The following RNF182 variants were observed in gnomAD, a reference collection of about 807,000 sequenced individuals.
RNF182 encodes ring finger protein 182.
Under a neutral mutation model 14.4 loss-of-function variants are expected in RNF182, and 15 were observed. The observed-to-expected ratio is 1.04, with a 90% confidence interval of 0.70 to 1.60. The LOEUF (loss-of-function observed/expected upper bound fraction) is 1.60. RNF182 is among the 40% of genes most tolerant of loss of function. The pLI is 0.00. For synonymous variants in RNF182, 128 were observed against 122.9 expected (o/e 1.04, Z -0.27); for missense variants, 268 against 294.8 (o/e 0.91, Z 0.67).
At position 13,979,563 on chromosome 6, in the gene RNF182, AATAC is replaced by A. The variant is rs1760439214; in HGVS notation, c.*1703_*1706del. The A allele has an allele frequency of 6.0e-6, 1 of 166,990 alleles. No homozygotes were observed. The highest frequency in any genetic ancestry group is 2.4e-5 in the African/African-American group (1 of 41,460). 10.3% of individuals were successfully genotyped at this position (166,990 alleles called of 1,614,324 possible). A position where few individuals can be genotyped will look rare whatever the true frequency, so the allele number is the denominator to read the frequency against. On this transcript the variant is annotated 3_prime_UTR_variant, in exon 3 of 3. Transcript: ENST00000488300. ...GAATTTAAGCCCCAAGATACAGCTA[AATAC>A]ATTTATGATTTCATAAAATCTAGTT... is the stretch of plus-strand genomic sequence containing the variant.
At chr6:13,973,830 A>G (rs1760256557) in intron 1 of RNF182, among the ~76,000 whole-genome samples, 1 of 152,216 alleles carries the variant, frequency 6.6e-6, no homozygotes, top group Non-Finnish European at 1.5e-5. Flanking sequence ...AGTTTTCATC[A>G]TAGCTTTACC....
At chr6:13,931,107 C>A (rs935753053) in intron 1 of RNF182, among the ~76,000 whole-genome samples, 6 of 152,148 alleles carry the variant, frequency 3.9e-5, no homozygotes, top group Non-Finnish European at 8.8e-5. Context: ...AAGAAAAAGA[C>A]ATCGTTGTTC....
intron 1 of RNF182, among the ~76,000 whole-genome samples, chr6:13,937,964 A>T (rs1175621534): frequency 6.7e-6 from 1 of 150,350 alleles, no homozygotes; most frequent in African/African-American, 2.4e-5. Context: ...TGCCAGTTCA[A>T]ATATTTTTGT....
At position 13,974,210 on chromosome 6, in the gene RNF182, G is replaced by A. The variant is rs1175861222; in HGVS notation, c.-366G>A. The A allele has an allele frequency of 6.6e-6, 1 of 151,934 alleles. No homozygotes were observed. Among genetic ancestry groups the A allele is most frequent in the East Asian group, 1.9e-4 (1 of 5,184 alleles). The allele number at this position is 151,934 out of a possible 1,614,324, so 9.4% of individuals were successfully genotyped here. A position where few individuals can be genotyped will look rare whatever the true frequency, so the allele number is the denominator to read the frequency against. On this transcript the variant is annotated splice_region_variant and 5_prime_UTR_variant, in exon 2 of 3. Transcript: ENST00000488300. ...ACCATGCTCTTTTCTGCCATTCCAG[G>A]AAGAAATACTTGTGTTGGCTGCATT...
intron 1 of RNF182, among the ~76,000 whole-genome samples, chr6:13,937,455 A>G (rs1470772339): frequency 1.3e-5 from 2 of 152,200 alleles, no homozygotes; most frequent in Non-Finnish European, 2.9e-5. Context: ...AGCTTTCACC[A>G]ACTATTTGGG....
chr6:13,939,879 G>A (rs1404075251), intron 1 of RNF182, among the ~76,000 whole-genome samples: 1 of 152,172 alleles, frequency 6.6e-6, no homozygotes, highest in African/African-American at 2.4e-5. Flanking sequence ...TGATTCTAGG[G>A]ATTTTGCTGC....
chr6:13,948,823 C>T (rs1255477736), intron 1 of RNF182, among the ~76,000 whole-genome samples: 1 of 152,090 alleles, frequency 6.6e-6, no homozygotes, highest in Non-Finnish European at 1.5e-5. Flanking sequence ...GAAGAGTTAG[C>T]TTTCCAAATA....
intron 1 of RNF182, among the ~76,000 whole-genome samples, chr6:13,928,771 G>A (rs1758895170): frequency 6.6e-6 from 1 of 152,124 alleles, no homozygotes; most frequent in Non-Finnish European, 1.5e-5. Flanking sequence ...AGAACTAGGA[G>A]GTAGAGGCAG....
intron 1 of RNF182, among the ~76,000 whole-genome samples, chr6:13,950,498 C>CTTTTT (rs34765708): frequency 1.4e-4 from 17 of 121,914 alleles, no homozygotes; most frequent in South Asian, 2.6e-4. Flanking sequence ...AAAACAGGTA[C>CTTTTT]TTTTTTTTTT....
chr6:13,953,525 G>A (rs1561782138), intron 1 of RNF182, among the ~76,000 whole-genome samples: 1 of 152,264 alleles, frequency 6.6e-6, no homozygotes, highest in East Asian at 1.9e-4. Flanking sequence ...ACAGAGTGGA[G>A]GAAGAGTCCA....
At position 13,977,891 on chromosome 6, in the gene RNF182, C is replaced by A; in HGVS notation, c.*28C>A. The A allele has an allele frequency of 6.4e-7, 1 of 1,568,898 alleles. No homozygotes were observed. The highest frequency in any genetic ancestry group is 8.6e-7 in the Non-Finnish European group (1 of 1,158,872). On this transcript the variant is annotated 3_prime_UTR_variant, in exon 3 of 3. Coordinates refer to ENST00000488300, the MANE Select transcript of RNF182 (RefSeq NM_152737.4). ...GATATGCAAAATAAGAAATTGGACA[C>A]ACATTGCCCTGTTTGAGTGTGAAGT...
At chr6:13,928,326 A>T (rs964544656) in intron 1 of RNF182, among the ~76,000 whole-genome samples, 1 of 152,322 alleles carries the variant, frequency 6.6e-6, no homozygotes, top group East Asian at 1.9e-4. Flanking sequence ...ATGTTTATCA[A>T]ATGCTTCCTT....
chr6:13,975,912 A>G (rs1285129178), intron 2 of RNF182, among the ~76,000 whole-genome samples: 1 of 152,222 alleles, frequency 6.6e-6, no homozygotes, highest in Non-Finnish European at 1.5e-5. Flanking sequence ...GAGATTTTGT[A>G]TATTACTGCT....
intron 1 of RNF182, among the ~76,000 whole-genome samples, chr6:13,946,501 A>T (rs1374167067): frequency 6.6e-6 from 1 of 152,222 alleles, no homozygotes; most frequent in African/African-American, 2.4e-5. Context: ...GCTTTTGTTC[A>T]TAAGATATCA....
At chr6:13,958,083 T>G (rs1056290877) in intron 1 of RNF182, among the ~76,000 whole-genome samples, 1 of 152,158 alleles carries the variant, frequency 6.6e-6, no homozygotes, top group Non-Finnish European at 1.5e-5. Flanking sequence ...ATAGATTTCT[T>G]GGGAAGTTCA....
chr6:13,926,694 A>G (rs1453578645), intron 1 of RNF182, among the ~76,000 whole-genome samples: 2 of 152,218 alleles, frequency 1.3e-5, no homozygotes, highest in Non-Finnish European at 2.9e-5. Context: ...AACAGCAAAT[A>G]GGATATTGAA....
chr6:13,943,920 T>A (rs1255671042), intron 1 of RNF182, among the ~76,000 whole-genome samples: 1 of 152,174 alleles, frequency 6.6e-6, no homozygotes, highest in Non-Finnish European at 1.5e-5. Context: ...TGTTAATTGG[T>A]GTTTATCTGG....
chr6:13,968,931 C>G (rs749005190), intron 1 of RNF182, among the ~76,000 whole-genome samples: 7 of 152,086 alleles, frequency 4.6e-5, no homozygotes, highest in Non-Finnish European at 1.0e-4. Flanking sequence ...ACAATAAATT[C>G]TCAACGTCAA....
intron 1 of RNF182, among the ~76,000 whole-genome samples, chr6:13,969,268 C>T (rs1377143388): frequency 6.6e-6 from 1 of 152,122 alleles, no homozygotes; most frequent in African/African-American, 2.4e-5. Context: ...GGTCCCTGTC[C>T]TGTCCTGTCT....
Sources: gnomAD v4.1 joint callset for allele counts (sites outside exome capture counted in the v4.1 genomes callset) on GRCh38, gnomAD v4.1.1 for gene constraint, MANE v1.5 for transcripts, NCBI Gene and HGNC (gene_info 2026-07-23, HGNC 2026-07-21) for gene names.